SLC39A14: variants seen among roughly 807,000 people sequenced by gnomAD.
SLC39A14 encodes metal cation symporter ZIP14.
In SLC39A14, 19 loss-of-function variants were observed where a neutral mutation model predicts 45.5. The ratio of observed to expected loss-of-function variants is 0.42; its 90% confidence interval spans 0.29 to 0.61. The LOEUF is 0.61. SLC39A14 is among the 20% of genes least tolerant of loss of function. The pLI is 0.22. For missense variants in SLC39A14, 447 were observed against 616.5 expected, an observed-to-expected ratio of 0.73 and a Z score of 2.91; for synonymous variants, 264 against 251.3, an observed-to-expected ratio of 1.05 and a Z score of -0.48.
At chr8:22,377,250 C>G (rs1833266329) in intron 1 of SLC39A14, among the ~76,000 whole-genome samples, 1 of 150,468 alleles carries the variant, frequency 6.6e-6, no homozygotes, top group African/African-American at 2.4e-5. Context: ...CGGTTGTCTC[C>G]TGTGTTCTTC....
At chr8:22,384,624 T>G (rs1586658966) in intron 1 of SLC39A14, among the ~76,000 whole-genome samples, 1 of 151,840 alleles carries the variant, frequency 6.6e-6, no homozygotes, top group East Asian at 1.9e-4. Flanking sequence ...GGTGGGTGTC[T>G]GTAATCCAGC....
Position 22,377,205 on chromosome 8 carries a change from A to G in SLC39A14, c.-16+9797A>G, listed in dbSNP as rs79822933. Among the ~76,000 whole-genome samples, 1,284 of 151,938 alleles carry G rather than the reference A, an allele frequency of 8.5e-3. 13 individuals carry two copies. Among genetic ancestry groups the G allele is most frequent in the Non-Finnish European group, 0.012 (825 of 67,968 alleles). ...TTGAATAATATTTTTTGAGGCTCAA[A>G]TTGTTCTAGCTTTGACCATTTTGGG... is the stretch of plus-strand genomic sequence containing the variant. On this transcript the variant is annotated intron_variant, in intron 1 of 8. Transcript: ENST00000381237.
chr8:22,370,196 G>A (rs1414313187), intron 1 of SLC39A14, among the ~76,000 whole-genome samples: 3 of 152,098 alleles, frequency 2.0e-5, no homozygotes, highest in Non-Finnish European at 4.4e-5. Context: ...GTGCGTGTGT[G>A]TAGGGTATAT....
chr8:22,420,581 T>C lies in SLC39A14; in HGVS notation c.*883T>C, dbSNP rs1836169461. ...CTCCTAGAAGCACATTCTGAGCACA[T>C]TTGAGACCTCTGTGTTAGAGGGGAG... On this transcript the variant is annotated 3_prime_UTR_variant, in exon 9 of 9. Transcript: ENST00000381237. The C allele has an allele frequency of 1.0e-6, 1 of 985,284 alleles. No homozygotes were observed. Among genetic ancestry groups the C allele is most frequent in the Admixed American group, 6.1e-5 (1 of 16,264 alleles). The allele number at this position is 985,284 out of a possible 1,614,324, so 61.0% of individuals were successfully genotyped here.
intron 1 of SLC39A14, among the ~76,000 whole-genome samples, chr8:22,397,344 C>T (rs1301640769): frequency 2.0e-5 from 3 of 152,032 alleles, no homozygotes; most frequent in Non-Finnish European, 4.4e-5. Flanking sequence ...TTTGGGAGGC[C>T]GAGGCGGGCA....
At chr8:22,368,371 C>T (rs1181649821) in intron 1 of SLC39A14, among the ~76,000 whole-genome samples, 1 of 152,122 alleles carries the variant, frequency 6.6e-6, no homozygotes, top group African/African-American at 2.4e-5. Flanking sequence ...TTAGCCCTGG[C>T]CTCTGTCCCT....
In SLC39A14 at chr8:22,428,284, C is replaced by T. The variant is rs949730859; in HGVS notation, c.1333-5607C>T. Reference sequence around the variant, plus strand: ...TGCACTCCAGCCTGGGCAACAAGAGCGAAACTCTGTCTCAAAAATAAAATA... The same window carrying T: ...TGCACTCCAGCCTGGGCAACAAGAGTGAAACTCTGTCTCAAAAATAAAATA... On this transcript the variant is annotated intron_variant, in intron 8 of 8. Coordinates refer to the SLC39A14 transcript ENST00000240095. Among the ~76,000 whole-genome samples the T allele has an allele frequency of 3.9e-5, 6 of 152,006 alleles. No individual in the cohort carries two copies. The South Asian group carries it at 6.2e-4, about 16-fold the overall frequency.
intron 1 of SLC39A14, among the ~76,000 whole-genome samples, chr8:22,381,292 C>T (rs868355050): frequency 2.8e-5 from 4 of 144,192 alleles, no homozygotes; most frequent in Non-Finnish European, 1.5e-5. Flanking sequence ...TTTTTCTCCC[C>T]GAGACAGAGT....
chr8:22,427,732 T>C (rs531763846), downstream of SLC39A14, among the ~76,000 whole-genome samples: 210 of 152,360 alleles, frequency 1.4e-3, 1 homozygote, highest in African/African-American at 4.8e-3. Flanking sequence ...GTAGGATTCT[T>C]TCCCCCTCTT....
In SLC39A14 at chr8:22,420,147, C is replaced by A. The variant is rs1264525183; in HGVS notation, c.*449C>A. 1.0e-6 allele frequency: 1 copy of A among 986,416 alleles called. No individual in the cohort carries two copies. Among genetic ancestry groups the A allele is most frequent in the African/African-American group, 1.7e-5 (1 of 57,268 alleles). 61.1% of individuals were successfully genotyped at this position (986,416 alleles called of 1,614,324 possible). On this transcript the variant is annotated 3_prime_UTR_variant, in exon 9 of 9. Coordinates refer to ENST00000381237, the MANE Select transcript of SLC39A14 (RefSeq NM_001128431.4). The stretch of plus-strand genomic sequence containing the variant: ...ACTCTAGCTGGGCACCTTGGACCTC[C>A]AGCTGGCCAATAGAAGAGACAGGAG...
At chr8:22,395,972 G>A (rs11136029) in intron 1 of SLC39A14, among the ~76,000 whole-genome samples, 62,589 of 151,986 alleles carry the variant, frequency 0.41, 13,390 homozygotes, top group East Asian at 0.76. Context: ...AGGAATGCTA[G>A]CTGTGTGGTG....
rs529753396 is a variant in SLC39A14 at position 22,428,604 on chromosome 8, A to G, written c.1333-5287A>G. Among the ~76,000 whole-genome samples, 31 of 151,284 alleles carry G rather than the reference A, an allele frequency of 2.0e-4. No homozygotes were observed. In the South Asian group the frequency reaches 6.5e-3, roughly 32 times the overall value. On this transcript the variant is annotated intron_variant, in intron 8 of 8. Coordinates refer to the SLC39A14 transcript ENST00000240095. ...ATTACAGGCGCATGCCACCACACCC[A>G]CCTAATTTTTGTATTTTTGGTAGAG...
At chr8:22,428,357 A>G (rs1254754570) in intron 8 of SLC39A14, among the ~76,000 whole-genome samples, 1 of 152,104 alleles carries the variant, frequency 6.6e-6, no homozygotes, top group Non-Finnish European at 1.5e-5. Flanking sequence ...ATCTGGCTTT[A>G]AGGTATATTC....
intron 1 of SLC39A14, among the ~76,000 whole-genome samples, chr8:22,383,004 C>T (rs1833598123): frequency 6.6e-6 from 1 of 152,044 alleles, no homozygotes. Context: ...AGGCGTGAGT[C>T]ACCGCGGCCG....
At chr8:22,382,678 A>T (rs938200125) in intron 1 of SLC39A14, among the ~76,000 whole-genome samples, 2 of 152,076 alleles carry the variant, frequency 1.3e-5, no homozygotes, top group Non-Finnish European at 2.9e-5. Context: ...GACTCTATTT[A>T]AAAAAATAAA....
Position 22,422,146 on chromosome 8 carries a change from G to A in SLC39A14, c.*2448G>A. The A allele has an allele frequency of 1.0e-6, 1 of 985,440 alleles. No homozygotes were observed. The highest frequency in any genetic ancestry group is 1.2e-6 in the Non-Finnish European group (1 of 829,926). 61.0% of individuals were successfully genotyped at this position (985,440 alleles called of 1,614,324 possible). On this transcript the variant is annotated 3_prime_UTR_variant, in exon 9 of 9. Transcript: ENST00000381237. The stretch of plus-strand genomic sequence containing the variant: ...GAAGTCTAAGGAGTAGCAAGTCAGT[G>A]GGAGGACTTTTTCACCCCTGGCATT...
downstream of SLC39A14, chr8:22,422,765 G>C (rs572727184): frequency 1.9e-5 from 18 of 964,252 alleles, no homozygotes; most frequent in South Asian, 9.6e-5. Flanking sequence ...TCTCACTGAC[G>C]TACAAAGTTT....
chr8:22,372,636 G>A (rs1832997315), intron 1 of SLC39A14, among the ~76,000 whole-genome samples: 1 of 152,102 alleles, frequency 6.6e-6, no homozygotes, highest in Non-Finnish European at 1.5e-5. Context: ...TCCAGTTACT[G>A]CTTTTATGTA....
chr8:22,368,125 A>C (rs1022849469), intron 1 of SLC39A14, among the ~76,000 whole-genome samples: 16 of 152,118 alleles, frequency 1.1e-4, no homozygotes, highest in Non-Finnish European at 1.9e-4. Flanking sequence ...TGGGTTCCAG[A>C]GACAGGCTTC....
Sources: gnomAD v4.1 joint callset for allele counts (sites outside exome capture counted in the v4.1 genomes callset) on GRCh38, gnomAD v4.1.1 for gene constraint, MANE v1.5 for transcripts, NCBI Gene and HGNC (gene_info 2026-07-23, HGNC 2026-07-21) for gene names.